Variants in AGPAT5 observed in about 807,000 individuals in gnomAD.
AGPAT5 encodes 1-acyl-sn-glycerol-3-phosphate acyltransferase epsilon.
Under a neutral mutation model 45.6 loss-of-function variants are expected in AGPAT5, and 46 were observed. The observed-to-expected ratio is 1.01, with a 90% CI of 0.80 to 1.29. The LOEUF is 1.29. Ranked by LOEUF, AGPAT5 falls within the 50% of genes most tolerant of loss-of-function variation. The pLI, the probability that AGPAT5 is intolerant of heterozygous loss-of-function variation, is 0.00. For synonymous variants in AGPAT5, 272 were observed against 167.0 expected, an observed-to-expected ratio of 1.63 and a Z score of -4.85; for missense variants, 673 against 450.7, an observed-to-expected ratio of 1.49 and a Z score of -4.47.
chr8:6,750,039 G>T (rs558278638), intron 6 of AGPAT5, among the ~76,000 whole-genome samples: 7 of 152,218 alleles, frequency 4.6e-5, no homozygotes, highest in Non-Finnish European at 7.3e-5. Context: ...TGAAGGCTTT[G>T]TGTGGCCAAT....
chr8:6,732,614 A>C lies in AGPAT5; in HGVS notation c.459A>C (p.Arg153=), dbSNP rs201067184. The part of the protein sequence containing the change: ...RSAKFNEKEM[R]NKLQSYVDAG... ...CCAAATTTAACGAGAAAGAGATGCG[A>C]AACAAGTTGCAGAGCTACGTGGACG... Residue 153 remains arginine (R), a synonymous_variant, in exon 4 of 8, where the codon CGA becomes CGC. Transcript: ENST00000285518. 6.2e-7 allele frequency: 1 copy of C among 1,611,498 alleles called. No individual in the cohort carries two copies. The highest frequency in any genetic ancestry group is 8.5e-7 in the Non-Finnish European group (1 of 1,179,364).
In AGPAT5 at chr8:6,759,839, G is replaced by C. The variant is rs1050077694; in HGVS notation, c.*2451G>C. 6.6e-6 allele frequency among the ~76,000 whole-genome samples: 1 copy of C among 152,108 alleles called. No homozygotes were observed. The highest frequency in any genetic ancestry group is 6.5e-5 in the Admixed American group (1 of 15,282). ...AAACTGTTAAGCAGTATATTAGTTT[G>C]GTTATATAAATTCATCTGCAATTTA... On this transcript the variant is annotated 3_prime_UTR_variant, in exon 8 of 8. Coordinates refer to ENST00000285518, the MANE Select transcript of AGPAT5 (RefSeq NM_018361.5).
At chr8:6,744,946 G>T (rs1411083846) in intron 5 of AGPAT5, among the ~76,000 whole-genome samples, 2 of 152,208 alleles carry the variant, frequency 1.3e-5, no homozygotes, top group Non-Finnish European at 2.9e-5. Flanking sequence ...CTGCAGCCAA[G>T]CCAGGCCATT....
At chr8:6,735,984 G>C (rs960922436) in intron 4 of AGPAT5, among the ~76,000 whole-genome samples, 2 of 150,852 alleles carry the variant, frequency 1.3e-5, no homozygotes, top group African/African-American at 2.4e-5. Context: ...CTCCTGAGTA[G>C]CTGGGATTAC....
In AGPAT5 at chr8:6,726,459, C is replaced by T. The variant is rs578140433; in HGVS notation, c.289+1520C>T. 7.2e-5 allele frequency among the ~76,000 whole-genome samples: 11 copies of T among 152,274 alleles called. No homozygotes were observed. The South Asian group carries it at 8.3e-4, about 11-fold the overall frequency. On this transcript the variant is annotated intron_variant, in intron 2 of 7. Transcript: ENST00000285518. ...TCCAGGTTTCAGTATGAACTCCACT[C>T]GATTAATAGAGCTCTCTAGTAGTGA...
intron 7 of AGPAT5, among the ~76,000 whole-genome samples, chr8:6,755,902 G>A (rs551515202): frequency 6.6e-6 from 1 of 152,060 alleles, no homozygotes; most frequent in East Asian, 1.9e-4. Context: ...TGTATTCAGC[G>A]AGCCATTCAG....
At chr8:6,712,415 T>A (rs903171111) in intron 1 of AGPAT5, among the ~76,000 whole-genome samples, 1 of 152,142 alleles carries the variant, frequency 6.6e-6, no homozygotes, top group African/African-American at 2.4e-5. Flanking sequence ...CCTGATAAAT[T>A]AAAGGTGATA....
chr8:6,737,605 C>T (rs181549636), intron 4 of AGPAT5, among the ~76,000 whole-genome samples: 1 of 152,178 alleles, frequency 6.6e-6, no homozygotes, highest in African/African-American at 2.4e-5. Flanking sequence ...TTTTGTTAGA[C>T]TATGAGCTAG....
intron 1 of AGPAT5, among the ~76,000 whole-genome samples, chr8:6,721,524 C>G (rs1005752016): frequency 6.6e-6 from 1 of 152,220 alleles, no homozygotes; most frequent in African/African-American, 2.4e-5. Flanking sequence ...ACTGATTTCA[C>G]TACAATCCCA....
At chr8:6,736,514 A>G (rs1801057925) in intron 4 of AGPAT5, among the ~76,000 whole-genome samples, 1 of 152,206 alleles carries the variant, frequency 6.6e-6, no homozygotes, top group African/African-American at 2.4e-5. Flanking sequence ...TGTCTGAGTC[A>G]CTTGTTTTCT....
chr8:6,751,135 A>T (rs1446887336), intron 6 of AGPAT5, among the ~76,000 whole-genome samples: 1 of 152,128 alleles, frequency 6.6e-6, no homozygotes, highest in Non-Finnish European at 1.5e-5. Context: ...TTAGTTTAAG[A>T]GTCACTTTAA....
chr8:6,728,468 A>G (rs1033112310), intron 2 of AGPAT5, among the ~76,000 whole-genome samples: 12 of 152,238 alleles, frequency 7.9e-5, no homozygotes, highest in African/African-American at 2.9e-4. Flanking sequence ...CCACTAAAAT[A>G]TTCAAGTTTA....
chr8:6,730,686 C>T (rs755973461), intron 2 of AGPAT5, 25 bp from the exon 3 acceptor site: 27 of 1,537,434 alleles, frequency 1.8e-5, no homozygotes, highest in Admixed American at 3.4e-5. Context: ...CTCATGTACG[C>T]GCTAACTGGG....
chr8:6,717,197 C>G (rs561071097), intron 1 of AGPAT5, among the ~76,000 whole-genome samples: 59 of 152,288 alleles, frequency 3.9e-4, no homozygotes, highest in African/African-American at 1.4e-3. Context: ...TGCAATTCTC[C>G]AAGGTTTTAT....
intron 1 of AGPAT5, chr8:6,709,452 A>C (rs1198446441): frequency 6.5e-6 from 1 of 153,432 alleles, no homozygotes; most frequent in Non-Finnish European, 1.5e-5. Context: ...TTGTCTGATT[A>C]CTTTCTTTCT....
At chr8:6,745,168 C>G (rs1201207369) in intron 5 of AGPAT5, 2 of 153,840 alleles carry the variant, frequency 1.3e-5, no homozygotes, top group African/African-American at 4.8e-5. Flanking sequence ...TTGGAAGAAA[C>G]TGCTGAAGCT....
chr8:6,750,927 TGAGAC>T lies in AGPAT5; in HGVS notation c.745+3100_745+3104del, dbSNP rs150726103. On this transcript the variant is annotated intron_variant, in intron 6 of 7. Coordinates refer to ENST00000285518, the MANE Select transcript of AGPAT5 (RefSeq NM_018361.5). ...TTTTAGATTTAGCATTCCCGCTTTC[TGAGAC>T]ATTATTCAACATGTATACGTGTGCA... 6.0e-3 allele frequency among the ~76,000 whole-genome samples: 919 copies of T among 152,360 alleles called. 6 individuals carry two copies. Among genetic ancestry groups the T allele is most frequent in the Non-Finnish European group, 0.011 (717 of 68,026 alleles).
chr8:6,743,766 A>G lies in AGPAT5; in HGVS notation c.586+2015A>G, dbSNP rs942982117. ...CCTGGACCCATTAAAGTAAGCCCCT[A>G]TGGTGGTTTTTTTTTTTTAATTGCC... On this transcript the variant is annotated intron_variant, in intron 5 of 7. Coordinates refer to ENST00000285518, the MANE Select transcript of AGPAT5 (RefSeq NM_018361.5). Among the ~76,000 whole-genome samples the G allele has an allele frequency of 6.3e-5, 8 of 127,254 alleles. No individual in the cohort carries two copies. In the South Asian group the frequency reaches 7.2e-4, roughly 11 times the overall value. 83.5% of individuals were successfully genotyped at this position (127,254 alleles called of 152,430 possible).
intron 1 of AGPAT5, among the ~76,000 whole-genome samples, chr8:6,715,963 C>T (rs1056794299): frequency 3.3e-5 from 5 of 152,012 alleles, no homozygotes; most frequent in Non-Finnish European, 5.9e-5. Context: ...CTAAATTCTG[C>T]CCCGGTTAAC....
Sources: gnomAD v4.1 joint callset for allele counts (sites outside exome capture counted in the v4.1 genomes callset) on GRCh38, gnomAD v4.1.1 for gene constraint, MANE v1.5 for transcripts, NCBI Gene and HGNC (gene_info 2026-07-23, HGNC 2026-07-21) for gene names.